Variants in FYN observed in about 807,000 individuals in gnomAD.
The protein encoded by FYN is FYN proto-oncogene, Src family tyrosine kinase.
A neutral mutation model predicts 70.2 loss-of-function variants in FYN; 10 were observed. The ratio of observed to expected loss-of-function variants is 0.14; its 90% confidence interval spans 0.09 to 0.24. FYN has a LOEUF of 0.24. Ranked by LOEUF, FYN falls within the 10% of genes least tolerant of loss-of-function variation. FYN has a pLI of 1.00. For missense variants in FYN, 319 were observed against 673.1 expected, an observed-to-expected ratio of 0.47 and a Z score of 5.82; for synonymous variants, 236 against 248.6, an observed-to-expected ratio of 0.95 and a Z score of 0.48.
chr6:111,687,127 A>G (rs1351661070), intron 12 of FYN, among the ~76,000 whole-genome samples: 1 of 152,220 alleles, frequency 6.6e-6, no homozygotes, highest in Non-Finnish European at 1.5e-5. Flanking sequence ...AAAGTAACAA[A>G]TCTTTCTAAA....
At chr6:111,790,247 T>TACACACACAC (rs61565042) in intron 2 of FYN, among the ~76,000 whole-genome samples, 22 of 125,950 alleles carry the variant, frequency 1.7e-4, no homozygotes, top group East Asian at 4.9e-4. Context: ...GAACCTTAGA[T>TACACACACAC]ACACACACAC....
intron 12 of FYN, among the ~76,000 whole-genome samples, chr6:111,675,092 T>C (rs1798473861): frequency 6.6e-6 from 1 of 152,098 alleles, no homozygotes; most frequent in Non-Finnish European, 1.5e-5. Context: ...TGAAATGTGT[T>C]AGATTTCCCA....
At chr6:111,805,886 G>C (rs185520327) in intron 2 of FYN, among the ~76,000 whole-genome samples, 30 of 152,312 alleles carry the variant, frequency 2.0e-4, no homozygotes, top group Admixed American at 1.2e-3. Context: ...AGGGGTGGGG[G>C]AAGCTGGGAC....
intron 12 of FYN, among the ~76,000 whole-genome samples, chr6:111,683,806 C>T (rs1024529716): frequency 2.0e-5 from 3 of 151,950 alleles, no homozygotes; most frequent in African/African-American, 7.2e-5. Flanking sequence ...GGTACCAGGA[C>T]AGGATATCCT....
chr6:111,680,090 A>T (rs947897288), intron 12 of FYN, among the ~76,000 whole-genome samples: 2 of 152,190 alleles, frequency 1.3e-5, no homozygotes, highest in African/African-American at 2.4e-5. Context: ...AATAAAGTTA[A>T]TAATCATCCA....
intron 2 of FYN, among the ~76,000 whole-genome samples, chr6:111,827,562 C>A (rs1023921836): frequency 6.6e-6 from 1 of 152,136 alleles, no homozygotes; most frequent in Non-Finnish European, 1.5e-5. Context: ...CTGAGCTGGT[C>A]CTGGAGAAAA....
intron 3 of FYN, among the ~76,000 whole-genome samples, chr6:111,722,655 G>A (rs706902): frequency 0.39 from 59,316 of 151,996 alleles, 16,414 homozygotes; most frequent in African/African-American, 0.78. Flanking sequence ...CCACTCCCCT[G>A]CAAGAGACAT....
intron 3 of FYN, among the ~76,000 whole-genome samples, chr6:111,738,762 G>C (rs1008153855): frequency 6.6e-6 from 1 of 152,226 alleles, no homozygotes; most frequent in Non-Finnish European, 1.5e-5. Flanking sequence ...CTGGCTGAAA[G>C]AGGAAACATC....
chr6:111,867,251 C>G (rs1268310834), intron 1 of FYN, among the ~76,000 whole-genome samples: 1 of 151,946 alleles, frequency 6.6e-6, no homozygotes, highest in Non-Finnish European at 1.5e-5. Context: ...GTAGGTAGAT[C>G]CCCTGCAATC....
intron 13 of FYN, among the ~76,000 whole-genome samples, chr6:111,669,098 T>G (rs947998879): frequency 6.6e-6 from 1 of 152,180 alleles, no homozygotes; most frequent in South Asian, 2.1e-4. Context: ...TGTTGAATGA[T>G]TTGAAAGTGC....
intron 2 of FYN, among the ~76,000 whole-genome samples, chr6:111,816,644 T>C (rs145554486): frequency 0.012 from 1,885 of 152,246 alleles, 24 homozygotes; most frequent in Non-Finnish European, 0.021. Context: ...ACGTATCAAG[T>C]TTGCAAAGAT....
intron 12 of FYN, among the ~76,000 whole-genome samples, chr6:111,692,101 TCC>T (rs753027655): frequency 1.5e-5 from 2 of 136,906 alleles, no homozygotes; most frequent in African/African-American, 5.4e-5. Context: ...AAGCTTCATT[TCC>T]CCCCCCCCCA....
chr6:111,719,150 G>T (rs1274418408), intron 4 of FYN, among the ~76,000 whole-genome samples: 1 of 152,160 alleles, frequency 6.6e-6, no homozygotes, highest in Non-Finnish European at 1.5e-5. Flanking sequence ...CATACTCAGA[G>T]AAAATTTGGA....
rs564476029 is a variant in FYN, at chr6:111,692,346, G to A, written c.1273+2029C>T. Among the ~76,000 whole-genome samples the A allele has an allele frequency of 1.2e-4, 19 of 152,266 alleles. No homozygotes were observed. In the South Asian group the frequency reaches 3.7e-3, roughly 30 times the overall value. On this transcript the variant is annotated intron_variant, in intron 12 of 13. Transcript: ENST00000354650. ...GACATGATGGTGCAGCTGGGCAGCCGGCAGAAGGGCAATCAGGACAGCTAA... is the reference window on the plus strand; with the variant it reads ...GACATGATGGTGCAGCTGGGCAGCCAGCAGAAGGGCAATCAGGACAGCTAA...
At chr6:111,705,384 CT>C (rs879920621) in intron 6 of FYN, among the ~76,000 whole-genome samples, 496 of 138,106 alleles carry the variant, frequency 3.6e-3, no homozygotes, top group South Asian at 0.022. Context: ...TCTTCTTCTT[CT>C]TTTTTTTTTT....
At chr6:111,715,438 C>T (rs1159651442) in intron 4 of FYN, among the ~76,000 whole-genome samples, 9 of 152,126 alleles carry the variant, frequency 5.9e-5, no homozygotes, top group Non-Finnish European at 1.3e-4. Context: ...TATTCAGTCT[C>T]GTGCAAGCCC....
chr6:111,869,116 C>A (rs1411506410), intron 1 of FYN, among the ~76,000 whole-genome samples: 1 of 152,218 alleles, frequency 6.6e-6, no homozygotes, highest in Non-Finnish European at 1.5e-5. Context: ...AATGGAATTG[C>A]TCCAACAATT....
In FYN at chr6:111,726,249, A is replaced by C. The variant is rs1210972631; in HGVS notation, c.-11-6187T>G. ...TAACAGATGGATGTTGTTTTAAGCTACTAAGTTTGTAGTACTTTGTTAGGC... is the reference window on the plus strand; with the variant it reads ...TAACAGATGGATGTTGTTTTAAGCTCCTAAGTTTGTAGTACTTTGTTAGGC... On this transcript the variant is annotated intron_variant, in intron 3 of 13. Coordinates refer to ENST00000354650, the MANE Select transcript of FYN (RefSeq NM_002037.5). 2.0e-5 allele frequency among the ~76,000 whole-genome samples: 3 copies of C among 152,234 alleles called. No homozygotes were observed. In the East Asian group the frequency reaches 5.8e-4, roughly 29 times the overall value.
At chr6:111,760,721 T>C (rs1802970144) in intron 3 of FYN, among the ~76,000 whole-genome samples, 3 of 152,210 alleles carry the variant, frequency 2.0e-5, no homozygotes, top group Non-Finnish European at 2.9e-5. Flanking sequence ...ACTGGAGACA[T>C]AGGCACCCAT....
Sources: gnomAD v4.1 joint callset for allele counts (sites outside exome capture counted in the v4.1 genomes callset) on GRCh38, gnomAD v4.1.1 for gene constraint, MANE v1.5 for transcripts, NCBI Gene and HGNC (gene_info 2026-07-23, HGNC 2026-07-21) for gene names.